The following SLC5A1 variants were observed in gnomAD, a reference collection of about 807,000 sequenced individuals.
SLC5A1 encodes the protein solute carrier family 5 member 1.
A neutral mutation model predicts 73.5 loss-of-function variants in SLC5A1; 42 were observed. The ratio of observed to expected loss-of-function variants is 0.57; its 90% CI spans 0.45 to 0.74. The LOEUF (loss-of-function observed/expected upper bound fraction) is 0.74. SLC5A1 is among the 30% of genes least tolerant of loss of function. SLC5A1 has a pLI of 0.00. For missense variants in SLC5A1, 634 were observed against 855.4 expected (o/e 0.74, Z 3.23); for synonymous variants, 300 against 317.4 (o/e 0.95, Z 0.58).
Position 32,080,591 on chromosome 22 carries a change from G to A in SLC5A1, c.478-1275G>A, listed in dbSNP as rs139163638. ...CCTGCTGGCCCATCCCCAAGGCTCC[G>A]TCTGGGTGCTGTTTGCGTGCCGTGA... On this transcript the variant is annotated intron_variant, in intron 5 of 14. Transcript: ENST00000266088. Among the ~76,000 whole-genome samples, 41 of 152,290 alleles carry A rather than the reference G, an allele frequency of 2.7e-4. No homozygotes were observed. The East Asian group carries it at 4.1e-3, about 15-fold the overall frequency.
rs33983387 is a variant in SLC5A1 at position 32,109,969 on chromosome 22, T to C, written c.1772-21T>C. 1.2e-3 allele frequency: 1,857 copies of C among 1,606,344 alleles called. 20 individuals carry two copies. In the African/African-American group the frequency reaches 0.022, roughly 19 times the overall value. On this transcript the variant is annotated intron_variant, in intron 14 of 14. Coordinates refer to ENST00000266088, the MANE Select transcript of SLC5A1 (RefSeq NM_000343.4). ...TCCATCCTGCTTCTGTGTCCAATAA[T>C]TCTTCTATGCCTTTGCCCAGAAACA...
At chr22:32,079,320 G>T (rs2093995953) in intron 5 of SLC5A1, among the ~76,000 whole-genome samples, 1 of 152,214 alleles carries the variant, frequency 6.6e-6, no homozygotes, top group Admixed American at 6.5e-5. Context: ...AAGTTAGAAT[G>T]ACTCATGCGA....
At chr22:32,048,671 C>T (rs538300121) in intron 1 of SLC5A1, among the ~76,000 whole-genome samples, 1 of 152,254 alleles carries the variant, frequency 6.6e-6, no homozygotes, top group East Asian at 1.9e-4. Context: ...AATAAAATTC[C>T]ACTCTTTCTT....
rs890071079 is a variant in SLC5A1 at position 32,043,551 on chromosome 22, G to A, written c.135+135G>A. 3 of 908,404 alleles carry A rather than the reference G, an allele frequency of 3.3e-6. No homozygotes were observed. Among genetic ancestry groups the A allele is most frequent in the South Asian group, 2.8e-5 (2 of 70,288 alleles). 56.3% of individuals were successfully genotyped at this position (908,404 alleles called of 1,614,324 possible). ...GAAATGACTTGGAAGCACTTTAGAA[G>A]CACTCAGAGGCACAGCATGAAGGGA... On this transcript the variant is annotated intron_variant, in intron 1 of 14. Coordinates refer to ENST00000266088, the MANE Select transcript of SLC5A1 (RefSeq NM_000343.4). The surrounding 1 kb of genome is among the most constrained non-coding windows in gnomAD (Gnocchi z 6.5).
At chr22:32,087,183 T>G (rs2094009658) in intron 10 of SLC5A1, among the ~76,000 whole-genome samples, 1 of 152,186 alleles carries the variant, frequency 6.6e-6, no homozygotes, top group Non-Finnish European at 1.5e-5. Flanking sequence ...TTGTACAACA[T>G]AGTGACTATA....
chr22:32,078,204 T>C (rs2149490770), intron 5 of SLC5A1, among the ~76,000 whole-genome samples: 1 of 152,320 alleles, frequency 6.6e-6, no homozygotes, highest in Middle Eastern at 3.4e-3. Context: ...CTCTTGACAG[T>C]GGTCACTTCT....
intron 2 of SLC5A1, among the ~76,000 whole-genome samples, chr22:32,055,979 T>C (rs2093951147): frequency 6.6e-6 from 1 of 152,184 alleles, no homozygotes; most frequent in Non-Finnish European, 1.5e-5. Flanking sequence ...ACCTACTGAA[T>C]CACAAACGCT....
chr22:32,076,338 C>A (rs148473532), intron 5 of SLC5A1, among the ~76,000 whole-genome samples: 8 of 152,322 alleles, frequency 5.3e-5, no homozygotes, highest in African/African-American at 1.9e-4. Context: ...CTCCCTCGAG[C>A]ACCTGCCTTA....
At chr22:32,050,943 G>C (rs973749395) in intron 2 of SLC5A1, among the ~76,000 whole-genome samples, 1 of 152,230 alleles carries the variant, frequency 6.6e-6, no homozygotes, top group African/African-American at 2.4e-5. Context: ...TGTGGCACCA[G>C]GGTTTGCCAC....
intron 5 of SLC5A1, among the ~76,000 whole-genome samples, chr22:32,072,930 T>C (rs982821975): frequency 6.6e-6 from 1 of 152,336 alleles, no homozygotes; most frequent in Admixed American, 6.5e-5. Flanking sequence ...ATATTCTGGA[T>C]GTTAGACCCT....
chr22:32,049,106 ATATATAATCAT>A (rs1234865957), intron 1 of SLC5A1, among the ~76,000 whole-genome samples: 4 of 145,502 alleles, frequency 2.7e-5, no homozygotes, highest in Admixed American at 7.0e-5. Context: ...ATATATATAT[ATATATAATCAT>A]TATATATATA....
intron 11 of SLC5A1, among the ~76,000 whole-genome samples, chr22:32,093,053 T>C (rs988517507): frequency 2.6e-5 from 4 of 152,212 alleles, no homozygotes; most frequent in Admixed American, 2.6e-4. Flanking sequence ...ATTTGTTGAA[T>C]AGGGTGTCCT....
Position 32,110,131 on chromosome 22 carries a change from A to G in SLC5A1, c.1913A>G (p.Lys638Arg). The G allele has an allele frequency of 6.2e-7, 1 of 1,614,178 alleles. No individual in the cohort carries two copies. Among genetic ancestry groups the G allele is most frequent in the Non-Finnish European group, 8.5e-7 (1 of 1,180,010 alleles). Residue 638 changes from lysine (K) to arginine (R), a missense_variant, in exon 15 of 15, where the codon AAG becomes AGG. Lys to Arg is a conservative substitution (Grantham distance 26, BLOSUM62 2). Coordinates refer to ENST00000266088, the MANE Select transcript of SLC5A1 (RefSeq NM_000343.4). The stretch of plus-strand genomic sequence containing the variant: ...ATGAAGATGACGGACACCTCTGAGA[A>G]GCCTTTGTGGAGGACAGTGTTGAAC... Reference protein sequence around the residue: ...MKMKMTDTSEKPLWRTVLNVN... With the variant: ...MKMKMTDTSERPLWRTVLNVN...
At chr22:32,049,175 ATCTAT>A (rs1569298725) in intron 1 of SLC5A1, among the ~76,000 whole-genome samples, 1 of 7,066 alleles carries the variant, frequency 1.4e-4, no homozygotes, top group Non-Finnish European at 2.8e-4. Context: ...CTATATCTAT[ATCTAT>A]ATCTATATCT....
chr22:32,089,906 T>C (rs1159267967), intron 10 of SLC5A1, among the ~76,000 whole-genome samples: 1 of 152,076 alleles, frequency 6.6e-6, no homozygotes, highest in African/African-American at 2.4e-5. Flanking sequence ...GGAAGAATAA[T>C]AGAGATTATA....
intron 14 of SLC5A1, among the ~76,000 whole-genome samples, chr22:32,105,623 T>G (rs972695496): frequency 6.6e-6 from 1 of 152,170 alleles, no homozygotes; most frequent in African/African-American, 2.4e-5. Context: ...AATGTACAAT[T>G]AAGTTTTCAT....
chr22:32,067,177 T>C (rs950843834), intron 3 of SLC5A1, 138 bp downstream of exon 3: 8 of 690,058 alleles, frequency 1.2e-5, no homozygotes, highest in Non-Finnish European at 1.8e-5. Flanking sequence ...AGGAGGGGCA[T>C]GACTTCAGGA....
intron 14 of SLC5A1, among the ~76,000 whole-genome samples, chr22:32,109,008 CA>C (rs933589243): frequency 2.6e-5 from 4 of 151,178 alleles, no homozygotes; most frequent in African/African-American, 7.3e-5. Context: ...AGATACTCTA[CA>C]AAAAAAAATT....
intron 2 of SLC5A1, among the ~76,000 whole-genome samples, chr22:32,063,666 G>T (rs559731669): frequency 6.6e-6 from 1 of 152,228 alleles, no homozygotes; most frequent in Non-Finnish European, 1.5e-5. Flanking sequence ...GGCCATGTGG[G>T]TGGGTGGGGA....
Sources: allele counts gnomAD v4.1 joint callset (sites outside exome capture counted in the v4.1 genomes callset), GRCh38; gene constraint gnomAD v4.1.1; non-coding constraint Gnocchi (gnomAD v3.1); transcripts MANE v1.5; gene names NCBI Gene and HGNC (gene_info 2026-07-23, HGNC 2026-07-21).